SUCLG2: variants seen among roughly 807,000 people sequenced by gnomAD.
SUCLG2 encodes succinate--CoA ligase [GDP-forming] subunit beta, mitochondrial.
Under a neutral mutation model 47.9 loss-of-function variants are expected in SUCLG2, and 42 were observed. That is an observed-to-expected ratio of 0.88 (90% confidence interval 0.69 to 1.14). SUCLG2 has a LOEUF of 1.14. Ranked by LOEUF, SUCLG2 falls within the 50% of genes most tolerant of loss-of-function variation. The pLI is 0.00. For synonymous variants in SUCLG2, 195 were observed against 197.3 expected (o/e 0.99, Z 0.10); for missense variants, 571 against 525.9 (o/e 1.09, Z -0.84).
At chr3:67,460,856 A>C in intron 9 of SUCLG2, among the ~76,000 whole-genome samples, 1 of 152,158 alleles carries the variant, frequency 6.6e-6, no homozygotes, top group East Asian at 1.9e-4. Flanking sequence ...TCCCAACACT[A>C]CCAGTTGGAG....
chr3:67,627,458 A>C (rs1183766021), intron 1 of SUCLG2, among the ~76,000 whole-genome samples: 1 of 152,214 alleles, frequency 6.6e-6, no homozygotes, highest in African/African-American at 2.4e-5. Flanking sequence ...AATGTAGTAA[A>C]TCAAAAGAAA....
chr3:67,491,408 A>G (rs1452711816), intron 9 of SUCLG2, among the ~76,000 whole-genome samples: 1 of 132,230 alleles, frequency 7.6e-6, no homozygotes, highest in Non-Finnish European at 1.5e-5. Flanking sequence ...CTTGTCTCCC[A>G]GGCTGGAGTG....
chr3:67,484,631 G>T (rs1019561025), intron 9 of SUCLG2, among the ~76,000 whole-genome samples: 1 of 152,122 alleles, frequency 6.6e-6, no homozygotes, highest in Non-Finnish European at 1.5e-5. Context: ...GGATGGGGAA[G>T]GGGGCAAACA....
At chr3:67,519,779 C>T (rs1393303023) in intron 5 of SUCLG2, among the ~76,000 whole-genome samples, 1 of 152,198 alleles carries the variant, frequency 6.6e-6, no homozygotes, top group Non-Finnish European at 1.5e-5. Flanking sequence ...TTTTTCTCCT[C>T]ATAGCTGACG....
chr3:67,390,078 G>C (rs891904309), intron 10 of SUCLG2, among the ~76,000 whole-genome samples: 6 of 152,320 alleles, frequency 3.9e-5, no homozygotes, highest in East Asian at 1.9e-4. Flanking sequence ...TACTTTCTAA[G>C]TTTCAGGCAC....
At position 67,375,518 on chromosome 3, in the gene SUCLG2, C is replaced by A; in HGVS notation, c.*226G>T. On this transcript the variant is annotated 3_prime_UTR_variant, in exon 11 of 11. Transcript: ENST00000307227. ...TGCCTACTGGGCAGGCTTACAGTGA[C>A]AGAAAAGTATGAGAACACAAGATAT... 7.8e-7 allele frequency: 1 copy of A among 1,279,772 alleles called. No homozygotes were observed. 79.3% of individuals were successfully genotyped at this position (1,279,772 alleles called of 1,614,324 possible). A position where few individuals can be genotyped will look rare whatever the true frequency, so the allele number is the denominator to read the frequency against.
intron 7 of SUCLG2, among the ~76,000 whole-genome samples, chr3:67,503,822 G>GTGTTTTGT (rs1559550413): frequency 6.6e-6 from 1 of 152,166 alleles, no homozygotes; most frequent in African/African-American, 2.4e-5. Context: ...TATGCATAGG[G>GTGTTTTGT]TGTTTTGTTG....
At chr3:67,554,648 A>ACATAAGAGAGAGAAGTTT (rs1425719213) in intron 2 of SUCLG2, among the ~76,000 whole-genome samples, 2 of 152,212 alleles carry the variant, frequency 1.3e-5, no homozygotes, top group Admixed American at 6.5e-5. Context: ...TGAAAACTTT[A>ACATAAGAGAGAGAAGTTT]CATAAGAGAG....
At chr3:67,439,473 A>G (rs1703705510) in intron 9 of SUCLG2, among the ~76,000 whole-genome samples, 1 of 152,214 alleles carries the variant, frequency 6.6e-6, no homozygotes, top group Non-Finnish European at 1.5e-5. Context: ...ATGATTGTAT[A>G]TTTAGAAAAC....
At chr3:67,583,161 TG>T (rs1241690577) in intron 2 of SUCLG2, among the ~76,000 whole-genome samples, 2 of 151,994 alleles carry the variant, frequency 1.3e-5, no homozygotes, top group Non-Finnish European at 2.9e-5. Flanking sequence ...ACCAAGGCTC[TG>T]GGATACCACC....
At chr3:67,392,358 C>A (rs1023826381) in intron 10 of SUCLG2, among the ~76,000 whole-genome samples, 18 of 152,298 alleles carry the variant, frequency 1.2e-4, no homozygotes, top group African/African-American at 4.1e-4. Flanking sequence ...CCCATGCTGC[C>A]GTCAAGCCTC....
At chr3:67,398,895 G>A (rs144615149) in intron 10 of SUCLG2, among the ~76,000 whole-genome samples, 10,661 of 151,138 alleles carry the variant, frequency 0.071, 375 homozygotes, top group Middle Eastern at 0.13. Context: ...ACTGGAAATC[G>A]TCATTCTCAG....
intron 6 of SUCLG2, among the ~76,000 whole-genome samples, chr3:67,510,806 A>C (rs991015644): frequency 9.9e-5 from 15 of 152,178 alleles, no homozygotes; most frequent in Admixed American, 7.2e-4. Flanking sequence ...ACATGTGATT[A>C]AACATTTGTA....
At chr3:67,442,439 G>T (rs1054912671) in intron 9 of SUCLG2, among the ~76,000 whole-genome samples, 4 of 152,180 alleles carry the variant, frequency 2.6e-5, no homozygotes, top group African/African-American at 9.6e-5. Flanking sequence ...CCCACCCCGG[G>T]CTACTAAATT....
intron 9 of SUCLG2, among the ~76,000 whole-genome samples, chr3:67,441,940 T>C (rs556645879): frequency 3.3e-5 from 5 of 152,274 alleles, no homozygotes; most frequent in South Asian, 2.1e-4. Context: ...TTCTGAAATA[T>C]ATAAAATACC....
intron 9 of SUCLG2, among the ~76,000 whole-genome samples, chr3:67,438,286 C>G (rs1367971652): frequency 6.6e-6 from 1 of 152,006 alleles, no homozygotes; most frequent in African/African-American, 2.4e-5. Flanking sequence ...CAAGAAAGAC[C>G]TAAAATCGAC....
chr3:67,456,192 C>T (rs1704181921), intron 9 of SUCLG2, among the ~76,000 whole-genome samples: 1 of 152,178 alleles, frequency 6.6e-6, no homozygotes, highest in Non-Finnish European at 1.5e-5. Context: ...GCCTGGCCTT[C>T]CTCCTCCCTT....
chr3:67,529,082 C>A lies in SUCLG2; in HGVS notation c.326+5G>T, dbSNP rs9836413. ...AAGACAAGGAATAACAACCTCCAGA[C>A]TTACTCTTTTGTTAAATGAACACCT... On this transcript the variant is annotated splice_donor_5th_base_variant and intron_variant, in intron 3 of 10. Transcript: ENST00000307227. 6.2e-7 allele frequency: 1 copy of A among 1,605,200 alleles called. No homozygotes were observed. Among genetic ancestry groups the A allele is most frequent in the Non-Finnish European group, 8.5e-7 (1 of 1,176,600 alleles).
intron 9 of SUCLG2, among the ~76,000 whole-genome samples, chr3:67,491,202 C>T (rs1483206136): frequency 6.8e-6 from 1 of 147,722 alleles, no homozygotes; most frequent in East Asian, 2.0e-4. Flanking sequence ...CGCCTTTAGT[C>T]CCAGCTACTC....
Sources: gnomAD v4.1 joint callset for allele counts (sites outside exome capture counted in the v4.1 genomes callset) on GRCh38, gnomAD v4.1.1 for gene constraint, MANE v1.5 for transcripts, NCBI Gene and HGNC (gene_info 2026-07-23, HGNC 2026-07-21) for gene names.